Variants in TOPBP1 observed in about 807,000 individuals in gnomAD.
TOPBP1 encodes DNA topoisomerase II binding protein 1, also known as DNA topoisomerase 2-binding protein 1.
A neutral mutation model predicts 167.7 loss-of-function variants in TOPBP1; 28 were observed. The ratio of observed to expected loss-of-function variants is 0.17; its 90% CI spans 0.12 to 0.23. The LOEUF is 0.23. Among genes scored for constraint, TOPBP1 ranks in the 10% least tolerant of loss-of-function variants. The pLI is 1.00. For missense variants in TOPBP1, 1,554 were observed against 1,809.6 expected, an observed-to-expected ratio of 0.86 and a Z score of 2.56; for synonymous variants, 598 against 611.4, an observed-to-expected ratio of 0.98 and a Z score of 0.32.
Position 133,649,503 on chromosome 3 carries a change from C to G in TOPBP1, c.1384G>C (p.Ala462Pro). The stretch of plus-strand genomic sequence containing the variant: ...CTGTTCTTCTTTTTTAAAAGAGCTG[C>G]TTTACTTTCAGGCTTATGTGAAACT... ...IPVSHKPESK[A>P]ALLKKKNSSF... The change falls in exon 10 of 28, where the codon GCA becomes CCA. Residue 462 changes from alanine to proline, a missense_variant. Physicochemically the swap from Ala to Pro is conservative, Grantham distance 27. Transcript: ENST00000260810. 1 of 1,613,906 alleles carries G rather than the reference C, an allele frequency of 6.2e-7. No homozygotes were observed. The highest frequency in any genetic ancestry group is 1.1e-5 in the South Asian group (1 of 91,082).
intron 3 of TOPBP1, 27 bp from the exon 4 acceptor site, chr3:133,657,968 A>G (rs1460904587): frequency 6.7e-7 from 1 of 1,503,280 alleles, no homozygotes; most frequent in Admixed American, 2.6e-5. Flanking sequence ...AGTTTAAATG[A>G]GTTAAGAAGG....
intron 14 of TOPBP1, among the ~76,000 whole-genome samples, chr3:133,635,397 T>G (rs1300925169): frequency 6.6e-6 from 1 of 151,954 alleles, no homozygotes; most frequent in Non-Finnish European, 1.5e-5. Context: ...GGACTATAGG[T>G]GCACTCCACC....
intron 26 of TOPBP1, 66 bp from the exon 27 acceptor site, chr3:133,608,762 G>A: frequency 6.3e-7 from 1 of 1,581,652 alleles, no homozygotes; most frequent in Non-Finnish European, 8.6e-7. Flanking sequence ...TGTATAATGT[G>A]TACTTAAGGA....
intron 27 of TOPBP1, among the ~76,000 whole-genome samples, chr3:133,602,322 T>C (rs929920578): frequency 2.0e-5 from 3 of 152,310 alleles, no homozygotes; most frequent in African/African-American, 7.2e-5. Context: ...ACAATGAAGG[T>C]AGAATAGACA....
In TOPBP1 at chr3:133,608,880, C is replaced by G; in HGVS notation, c.4256G>C (p.Gly1419Ala). ...AATTAATTTGATACAAACCTTTGCT[C>G]CTCCTGACTGAAGAAGGCGTTTGAA... ...AGFKRLLQSG[G>A]AKVLPGHSVP... is the part of the protein sequence containing the mutation. The change falls in exon 26 of 28, where the codon GGA (glycine) becomes GCA (alanine). Residue 1419 changes from glycine (G) to alanine (A), a missense_variant. Gly to Ala is a moderately conservative substitution (Grantham distance 60, BLOSUM62 0). Around this residue, in one of 3 missense-constraint regions of TOPBP1, gnomAD observed 351 missense variants for 432.9 expected, o/e 0.81. Coordinates refer to ENST00000260810, the MANE Select transcript of TOPBP1 (RefSeq NM_007027.4). The G allele has an allele frequency of 1.2e-6, 2 of 1,611,562 alleles. No individual in the cohort carries two copies. Among genetic ancestry groups the G allele is most frequent in the Non-Finnish European group, 1.7e-6 (2 of 1,179,230 alleles).
In TOPBP1 at chr3:133,661,124, A is replaced by G. The variant is rs1303729798; in HGVS notation, c.4T>C (p.Ser2Pro). 1.9e-6 allele frequency: 3 copies of G among 1,577,362 alleles called. No homozygotes were observed. The highest frequency in any genetic ancestry group is 2.6e-6 in the Non-Finnish European group (3 of 1,167,214). ...AAAAACGGTTCTTTGTCATTTCTGG[A>G]CATTTCTGAACTGTCAAAATAAAGG... M[S>P]RNDKEPFFVK... The change falls in exon 2 of 28, where the codon TCC becomes CCC. Residue 2 changes from serine (S) to proline (P), a missense_variant. By Grantham distance (74) the Ser-to-Pro change is moderately conservative (BLOSUM62 -1). This residue lies in a region of TOPBP1 where 1,197 missense variants were observed against 1,351.5 expected (regional missense o/e 0.89). Coordinates refer to ENST00000260810, the MANE Select transcript of TOPBP1 (RefSeq NM_007027.4).
At position 133,653,390 on chromosome 3, in the gene TOPBP1, T is replaced by C. The variant is rs199655255; in HGVS notation, c.877A>G (p.Met293Val). ...CTGGTAGGAGTTGAAGAATTGGGCA[T>C]AGTCTTTGCTTCTGGTCTAGGTTCT... Reference protein sequence around the residue: ...KTEPRPEAKTMPNSSTPTSQI... With the variant: ...KTEPRPEAKTVPNSSTPTSQI... Residue 293 changes from methionine to valine, a missense_variant, in exon 7 of 28, where the codon ATG (methionine) becomes GTG (valine). Physicochemically the swap from Met to Val is conservative, Grantham distance 21. Transcript: ENST00000260810. 2.7e-4 allele frequency: 428 copies of C among 1,611,862 alleles called. 2 individuals are homozygous for C. The African/African-American group carries it at 5.2e-3, about 19-fold the overall frequency.
At position 133,649,777 on chromosome 3, in the gene TOPBP1, A is replaced by C. The variant is rs1936221765; in HGVS notation, c.1253+3T>G. The C allele has an allele frequency of 6.3e-7, 1 of 1,583,974 alleles. No homozygotes were observed. The highest frequency in any genetic ancestry group is 1.4e-5 in the African/African-American group (1 of 72,874). On this transcript the variant is annotated splice_donor_region_variant and intron_variant, in intron 9 of 27. Coordinates refer to ENST00000260810, the MANE Select transcript of TOPBP1 (RefSeq NM_007027.4). Reference sequence around the variant, plus strand: ...ATTGCTTTGAATTAAAAACGAAAAAAACCTGTGGGCTGATTTATTCCAAAA... The same window carrying C: ...ATTGCTTTGAATTAAAAACGAAAAACACCTGTGGGCTGATTTATTCCAAAA...
At chr3:133,629,921 G>A (rs761684076) in intron 14 of TOPBP1, among the ~76,000 whole-genome samples, 2 of 151,916 alleles carry the variant, frequency 1.3e-5, no homozygotes, top group Admixed American at 1.3e-4. Context: ...CGAGTAGCTG[G>A]GACTACAGGC....
rs1003040593 is a variant in TOPBP1 at position 133,637,915 on chromosome 3, C to T, written c.2481G>A (p.Leu827=). The change falls in exon 14 of 28, where the codon CTG becomes CTA. Residue 827 remains leucine (L), a synonymous_variant. Transcript: ENST00000260810. The part of the protein sequence containing the change: ...SLHLDTPSKF[L]SKDKLFKPSF... ...AAGGCTTGAAGAGTTTGTCCTTGGA[C>T]AGGAATTTTGATGGTGTATCCAGGT... The T allele has an allele frequency of 9.9e-6, 16 of 1,613,794 alleles. No homozygotes were observed. Among genetic ancestry groups the T allele is most frequent in the Non-Finnish European group, 1.4e-5 (16 of 1,179,850 alleles).
At chr3:133,653,728 C>G (rs372323701) in intron 6 of TOPBP1, among the ~76,000 whole-genome samples, 3 of 151,468 alleles carry the variant, frequency 2.0e-5, no homozygotes. Context: ...CCCTCCTGAT[C>G]AAGCGATTCT....
At chr3:133,609,717 C>A (rs573199668) in intron 25 of TOPBP1, among the ~76,000 whole-genome samples, 4 of 152,220 alleles carry the variant, frequency 2.6e-5, no homozygotes, top group Non-Finnish European at 5.9e-5. Flanking sequence ...GACGTGTTTG[C>A]TTCTTACATG....
At chr3:133,610,904 G>A in intron 25 of TOPBP1, 100 bp downstream of exon 25, 1 of 1,316,832 alleles carries the variant, frequency 7.6e-7, no homozygotes, top group South Asian at 1.9e-5. Context: ...AAGACAAGTA[G>A]AATCATTATT....
Position 133,611,019 on chromosome 3 carries a change from T to C in TOPBP1, c.4158A>G (p.Glu1386=), listed in dbSNP as rs997049267. ...GTTTTAATACCTCAACAATGCCAGA[T>C]TCTTGTCTTTGCTGGATTTTTTTTC... is the stretch of plus-strand genomic sequence containing the variant. ...RWRKKIQQRQ[E]SGIVEGAFSG... The change falls in exon 25 of 28, where the codon GAA becomes GAG. Residue 1386 remains glutamate, a synonymous_variant. Transcript: ENST00000260810. The C allele has an allele frequency of 1.7e-5, 27 of 1,612,706 alleles. No individual in the cohort carries two copies. The highest frequency in any genetic ancestry group is 2.2e-5 in the East Asian group (1 of 44,864).
At chr3:133,639,221 T>G (rs767821385) in intron 13 of TOPBP1, among the ~76,000 whole-genome samples, 13 of 152,166 alleles carry the variant, frequency 8.5e-5, no homozygotes, top group Non-Finnish European at 1.6e-4. Context: ...CAAATGTCTA[T>G]CAATGATAGA....
In TOPBP1 at chr3:133,661,821, C is replaced by G. The variant is rs1936731639; in HGVS notation, c.-60G>C. 1 of 152,520 alleles carries G rather than the reference C, an allele frequency of 6.6e-6. No individual in the cohort carries two copies. Among genetic ancestry groups the G allele is most frequent in the Admixed American group, 6.5e-5 (1 of 15,290 alleles). The allele number at this position is 152,520 out of a possible 1,614,324, so 9.4% of individuals were successfully genotyped here. ...GGCGAGTCGGGGGACGCGCTGGCCG[C>G]AGGGCGGTGGCTGGGGTCGGGCGCC... is the stretch of plus-strand genomic sequence containing the variant. On this transcript the variant is annotated 5_prime_UTR_variant, in exon 1 of 28. Transcript: ENST00000260810.
At chr3:133,629,420 T>C (rs1234274777) in intron 14 of TOPBP1, among the ~76,000 whole-genome samples, 1 of 152,216 alleles carries the variant, frequency 6.6e-6, no homozygotes, top group South Asian at 2.1e-4. Context: ...AAAGGAAACC[T>C]TTTAAGCAAA....
chr3:133,655,098 G>A (rs996940194), intron 6 of TOPBP1, among the ~76,000 whole-genome samples, 192 bp downstream of exon 6: 17 of 152,210 alleles, frequency 1.1e-4, no homozygotes, highest in East Asian at 5.8e-4. Flanking sequence ...CCCGCTACTC[G>A]GGAAGCTGAG....
chr3:133,613,784 CTTTT>C (rs11393295), intron 23 of TOPBP1, among the ~76,000 whole-genome samples: 2 of 127,252 alleles, frequency 1.6e-5, no homozygotes, highest in Non-Finnish European at 1.6e-5. Flanking sequence ...ATATCAAGGA[CTTTT>C]TTTTTTTTTT....
Sources: gnomAD v4.1 joint callset for allele counts (sites outside exome capture counted in the v4.1 genomes callset) on GRCh38, gnomAD v4.1.1 for gene constraint, gnomAD v4.1.1 regional missense constraint, MANE v1.5 for transcripts, NCBI Gene and HGNC (gene_info 2026-07-23, HGNC 2026-07-21) for gene names.